EDIL3: variants seen among roughly 807,000 people sequenced by gnomAD.
EDIL3 encodes EGF like and discoidin domains 3.
In EDIL3, 37 loss-of-function variants were observed where a neutral mutation model predicts 67.4. That is an observed-to-expected ratio of 0.55 (90% CI 0.42 to 0.72). The LOEUF is 0.72. Among genes scored for constraint, EDIL3 ranks in the 30% least tolerant of loss-of-function variants. EDIL3 has a pLI of 0.00. For synonymous variants in EDIL3, 195 were observed against 196.3 expected, an observed-to-expected ratio of 0.99 and a Z score of 0.05; for missense variants, 527 against 586.3, an observed-to-expected ratio of 0.90 and a Z score of 1.04.
At chr5:84,262,591 ATAAG>A (rs1745247879) in intron 1 of EDIL3, among the ~76,000 whole-genome samples, 1 of 151,486 alleles carries the variant, frequency 6.6e-6, no homozygotes, top group Admixed American at 6.6e-5. Context: ...TCCTTACAAA[ATAAG>A]TAGCGAAAAT....
At chr5:84,056,579 G>A (rs1268663276) in intron 9 of EDIL3, among the ~76,000 whole-genome samples, 2 of 152,032 alleles carry the variant, frequency 1.3e-5, no homozygotes, top group Non-Finnish European at 2.9e-5. Context: ...GGGTATTTTG[G>A]GGGGCTGAAT....
At chr5:84,293,584 C>A (rs1467054289) in intron 1 of EDIL3, among the ~76,000 whole-genome samples, 1 of 151,972 alleles carries the variant, frequency 6.6e-6, no homozygotes, top group Non-Finnish European at 1.5e-5. Flanking sequence ...TAAATGTCTA[C>A]ATTAAGGTAA....
intron 3 of EDIL3, among the ~76,000 whole-genome samples, chr5:84,197,322 G>A (rs535921850): frequency 6.6e-5 from 10 of 152,092 alleles, no homozygotes; most frequent in Non-Finnish European, 1.3e-4. Context: ...TGACATCCTA[G>A]AGTAATTAAC....
chr5:84,166,088 T>A (rs1748698589), intron 4 of EDIL3, among the ~76,000 whole-genome samples: 3 of 152,140 alleles, frequency 2.0e-5, no homozygotes, highest in Admixed American at 2.0e-4. Flanking sequence ...AGTGATTGAT[T>A]TAAACAATCT....
intron 9 of EDIL3, among the ~76,000 whole-genome samples, chr5:84,057,822 C>T (rs1216439643): frequency 1.3e-5 from 2 of 151,856 alleles, no homozygotes; most frequent in Non-Finnish European, 2.9e-5. Flanking sequence ...TATGGAATGC[C>T]CACCATGTGT....
At chr5:84,103,210 A>G (rs895714468) in intron 6 of EDIL3, among the ~76,000 whole-genome samples, 17 of 152,156 alleles carry the variant, frequency 1.1e-4, no homozygotes, top group Admixed American at 4.6e-4. Flanking sequence ...CTATATACAC[A>G]AATCAACTCA....
At chr5:84,032,353 G>C (rs894624061) in intron 9 of EDIL3, among the ~76,000 whole-genome samples, 2 of 152,076 alleles carry the variant, frequency 1.3e-5, no homozygotes, top group Non-Finnish European at 2.9e-5. Context: ...TCATAAAATA[G>C]AACTATTAAA....
chr5:84,297,467 C>A (rs1746074739), intron 1 of EDIL3, among the ~76,000 whole-genome samples: 1 of 152,164 alleles, frequency 6.6e-6, no homozygotes. Context: ...AACAGTGCAG[C>A]AATTCTTCAA....
At chr5:84,066,712 C>CT (rs1746648453) in intron 6 of EDIL3, 106 bp from the exon 7 acceptor site, 1 of 1,357,544 alleles carries the variant, frequency 7.4e-7, no homozygotes, top group East Asian at 2.6e-5. Context: ...TTAATAATAA[C>CT]ATAAAAAGCT....
intron 9 of EDIL3, among the ~76,000 whole-genome samples, chr5:83,980,895 A>G (rs577910263): frequency 6.6e-5 from 10 of 151,954 alleles, no homozygotes; most frequent in South Asian, 4.1e-4. Context: ...TACTTACAGT[A>G]CCACTAAAAA....
chr5:84,337,296 T>G (rs1327725559), intron 1 of EDIL3, among the ~76,000 whole-genome samples: 1 of 152,168 alleles, frequency 6.6e-6, no homozygotes. Context: ...AAGAACTTGC[T>G]GTATCTAGGT....
At chr5:84,382,800 G>A (rs970595909) in intron 1 of EDIL3, among the ~76,000 whole-genome samples, 1 of 152,080 alleles carries the variant, frequency 6.6e-6, no homozygotes. Flanking sequence ...CTATTAACTG[G>A]AAGGGCACTT....
chr5:84,373,151 A>G (rs1747890869), intron 1 of EDIL3, among the ~76,000 whole-genome samples: 1 of 152,064 alleles, frequency 6.6e-6, no homozygotes, highest in Admixed American at 6.6e-5. Flanking sequence ...TCCTTAGTAT[A>G]AGTACTCCTG....
Position 84,240,739 on chromosome 5 carries a change from G to A in EDIL3, c.197-10855C>T, listed in dbSNP as rs374571163. On this transcript the variant is annotated intron_variant, in intron 2 of 10. Transcript: ENST00000296591. ...CCTGGTGCCAAAAAGGTTGGGGACCGCAGCTCTATGGAATACAGATCCACA... is the reference window on the plus strand; with the variant it reads ...CCTGGTGCCAAAAAGGTTGGGGACCACAGCTCTATGGAATACAGATCCACA... 6.6e-5 allele frequency among the ~76,000 whole-genome samples: 10 copies of A among 152,222 alleles called. No homozygotes were observed. The East Asian group carries it at 7.7e-4, about 12-fold the overall frequency.
intron 9 of EDIL3, among the ~76,000 whole-genome samples, chr5:83,976,891 C>G (rs1313641872): frequency 2.0e-5 from 3 of 151,736 alleles, no homozygotes; most frequent in Admixed American, 2.0e-4. Context: ...TATTATATTA[C>G]TAAGGTTCAA....
chr5:84,318,997 T>A (rs183890223), intron 1 of EDIL3, among the ~76,000 whole-genome samples: 2 of 152,124 alleles, frequency 1.3e-5, no homozygotes, highest in East Asian at 1.9e-4. Context: ...GCAAATGATA[T>A]GAACAGACAC....
At chr5:84,181,492 T>C (rs1749012194) in intron 3 of EDIL3, among the ~76,000 whole-genome samples, 2 of 152,226 alleles carry the variant, frequency 1.3e-5, no homozygotes, top group Admixed American at 1.3e-4. Flanking sequence ...CTTAAAACCA[T>C]AGCAGTTTGA....
chr5:84,071,804 T>C (rs1289012580), intron 6 of EDIL3, among the ~76,000 whole-genome samples: 1 of 152,160 alleles, frequency 6.6e-6, no homozygotes, highest in Non-Finnish European at 1.5e-5. Context: ...CATATAACTA[T>C]TCTACACCAG....
intron 1 of EDIL3, among the ~76,000 whole-genome samples, chr5:84,291,072 G>C (rs1745903723): frequency 6.6e-6 from 1 of 151,982 alleles, no homozygotes; most frequent in Non-Finnish European, 1.5e-5. Flanking sequence ...TGTAGTACTA[G>C]AAAAAAATGC....
Sources: allele counts gnomAD v4.1 joint callset (sites outside exome capture counted in the v4.1 genomes callset), GRCh38; gene constraint gnomAD v4.1.1; transcripts MANE v1.5; gene names NCBI Gene and HGNC (gene_info 2026-07-23, HGNC 2026-07-21).